Variants in ATXN3 observed in about 807,000 individuals in gnomAD.
ATXN3 encodes the protein ataxin 3.
ATXN3 carries 28 observed loss-of-function variants against 58.2 expected under a neutral mutation model. The observed-to-expected ratio is 0.48, with a 90% CI of 0.36 to 0.66. The LOEUF is 0.66. ATXN3 is among the 30% of genes least tolerant of loss of function. The pLI, the probability that ATXN3 is intolerant of heterozygous loss-of-function variation, is 0.00. For missense variants in ATXN3, 321 were observed against 422.1 expected (o/e 0.76, Z 2.10); for synonymous variants, 113 against 138.5 (o/e 0.82, Z 1.29).
chr14:92,069,368 G>GC (rs1173193999), intron 10 of ATXN3, among the ~76,000 whole-genome samples: 8 of 111,698 alleles, frequency 7.2e-5, no homozygotes, highest in Non-Finnish European at 1.3e-4. Context: ...ACCGTGTCCA[G>GC]CCCTTTTTTT....
intron 2 of ATXN3, chr14:92,096,345 C>A: frequency 3.5e-6 from 5 of 1,431,780 alleles, no homozygotes; most frequent in Non-Finnish European, 4.6e-6. Context: ...GAAATGTAAG[C>A]CGGGTGTGGT....
intron 1 of ATXN3, among the ~76,000 whole-genome samples, chr14:92,103,453 T>C (rs1383931526): frequency 6.6e-6 from 1 of 152,186 alleles, no homozygotes; most frequent in Non-Finnish European, 1.5e-5. Flanking sequence ...TTTTTTCTTT[T>C]GAGACAGGAT....
intron 5 of ATXN3, among the ~76,000 whole-genome samples, chr14:92,091,262 C>T (rs2141003835): frequency 6.6e-6 from 1 of 152,122 alleles, no homozygotes; most frequent in Admixed American, 6.6e-5. Flanking sequence ...ACCAGCCTGA[C>T]CAACATGGCG....
At chr14:92,078,752 A>C (rs2060892210) in intron 9 of ATXN3, among the ~76,000 whole-genome samples, 1 of 152,238 alleles carries the variant, frequency 6.6e-6, no homozygotes, top group South Asian at 2.1e-4. Context: ...ATAGCATTTA[A>C]CTATGTTAAA....
intron 9 of ATXN3, among the ~76,000 whole-genome samples, chr14:92,076,409 C>T (rs999397302): frequency 1.4e-5 from 2 of 145,508 alleles, no homozygotes; most frequent in South Asian, 2.2e-4. Context: ...GATCGCGCCA[C>T]TGCACTCCAG....
intron 9 of ATXN3, among the ~76,000 whole-genome samples, chr14:92,072,327 T>C (rs1471910361): frequency 6.6e-6 from 1 of 152,174 alleles, no homozygotes. Context: ...GGGTGAAGGA[T>C]ATAAGGAGCT....
intron 1 of ATXN3, among the ~76,000 whole-genome samples, chr14:92,104,591 A>G (rs1354990856): frequency 6.6e-6 from 1 of 152,008 alleles, no homozygotes; most frequent in African/African-American, 2.4e-5. Context: ...AAGGCCTTCC[A>G]TGTTGAAATG....
intron 1 of ATXN3, among the ~76,000 whole-genome samples, chr14:92,101,655 C>T (rs564744388): frequency 1.3e-4 from 19 of 151,862 alleles, no homozygotes; most frequent in African/African-American, 3.9e-4. Context: ...ATCAGGAGTT[C>T]GAGACCAGCC....
intron 1 of ATXN3, among the ~76,000 whole-genome samples, chr14:92,104,373 C>T (rs554791387): frequency 6.6e-6 from 1 of 152,212 alleles, no homozygotes; most frequent in South Asian, 2.1e-4. Context: ...AACTACTGAC[C>T]TCATGATCCG....
rs199790369 is a variant in ATXN3 at position 92,082,357 on chromosome 14, T to C, written c.718A>G (p.Ile240Val). 1 of 1,614,160 alleles carries C rather than the reference T, an allele frequency of 6.2e-7. No homozygotes were observed. The highest frequency in any genetic ancestry group is 8.5e-7 in the Non-Finnish European group (1 of 1,180,022). ...QRALALSRQE[I>V]DMEDEEADLR... Reference sequence around the variant, plus strand: ...TCTGCTTCCTCATCTTCCATGTCAATTTCTTGGCGACTTAGTGCCAGAGCC... The same window carrying C: ...TCTGCTTCCTCATCTTCCATGTCAACTTCTTGGCGACTTAGTGCCAGAGCC... Residue 240 changes from isoleucine to valine, a missense_variant, in exon 8 of 11, where the codon ATT becomes GTT. Ile to Val is a conservative substitution (Grantham distance 29, BLOSUM62 3). Coordinates refer to ENST00000644486, the MANE Select transcript of ATXN3 (RefSeq NM_004993.6).
intron 7 of ATXN3, among the ~76,000 whole-genome samples, 166 bp from the exon 8 acceptor site, chr14:92,082,632 G>GC (rs1555401834): frequency 6.9e-6 from 1 of 144,040 alleles, no homozygotes. Context: ...ATCCAACTAA[G>GC]TTTTTTTTTT....
At chr14:92,099,801 C>A (rs192665869) in intron 1 of ATXN3, among the ~76,000 whole-genome samples, 1 of 151,688 alleles carries the variant, frequency 6.6e-6, no homozygotes, top group African/African-American at 2.4e-5. Flanking sequence ...CCAAAAAGGT[C>A]GAGGCTACAG....
chr14:92,080,017 C>T (rs1041652694), intron 9 of ATXN3, among the ~76,000 whole-genome samples: 9 of 151,772 alleles, frequency 5.9e-5, no homozygotes, highest in Admixed American at 2.0e-4. Context: ...GGATTACAGA[C>T]GTAAGCCACC....
Position 92,060,802 on chromosome 14 carries a change from G to A in ATXN3, c.*3518C>T, listed in dbSNP as rs983194353. The A allele has an allele frequency of 2.0e-5, 3 of 147,338 alleles. No homozygotes were observed. The highest frequency in any genetic ancestry group is 4.5e-5 in the Non-Finnish European group (3 of 67,368). The allele number at this position is 147,338 out of a possible 1,614,324, so 9.1% of individuals were successfully genotyped here. ...GTCTGGAGTACAGTGGCACCATCTT[G>A]GCTCACTGCATCCTCTGTCGCCAGG... On this transcript the variant is annotated 3_prime_UTR_variant, in exon 11 of 11. Transcript: ENST00000644486.
At chr14:92,104,017 C>T (rs1313992497) in intron 1 of ATXN3, among the ~76,000 whole-genome samples, 3 of 152,104 alleles carry the variant, frequency 2.0e-5, no homozygotes, top group East Asian at 1.9e-4. Context: ...CTCTTGAGGA[C>T]GCCCAAAAAA....
intron 10 of ATXN3, among the ~76,000 whole-genome samples, chr14:92,070,491 A>G (rs944908967): frequency 6.6e-6 from 1 of 152,190 alleles, no homozygotes; most frequent in African/African-American, 2.4e-5. Flanking sequence ...AGGCAGGAGA[A>G]TGCCATGAAC....
At chr14:92,072,661 A>C (rs79094230) in intron 9 of ATXN3, among the ~76,000 whole-genome samples, 17 of 150,680 alleles carry the variant, frequency 1.1e-4, no homozygotes, top group African/African-American at 3.2e-4. Flanking sequence ...AAAACTTACA[A>C]ACAGCTGACA....
At chr14:92,099,211 C>G (rs1264884628) in intron 1 of ATXN3, among the ~76,000 whole-genome samples, 4 of 152,166 alleles carry the variant, frequency 2.6e-5, no homozygotes. Flanking sequence ...ACAATTTGTC[C>G]TGAGCTATGT....
chr14:92,102,306 C>A lies in ATXN3; in HGVS notation c.24+4223G>T, dbSNP rs865897631. Among the ~76,000 whole-genome samples, 926 of 146,674 alleles carry A rather than the reference C, an allele frequency of 6.3e-3. 6 individuals carry two copies. The highest frequency in any genetic ancestry group is 0.014 in the Middle Eastern group (4 of 276). ...AGGGAGGGAATAAATAAATTAAAAA[C>A]AAAAAAAAAAATAAAAGAAATTCTA... On this transcript the variant is annotated intron_variant, in intron 1 of 10. Transcript: ENST00000644486.
Sources: gnomAD v4.1 joint callset for allele counts (sites outside exome capture counted in the v4.1 genomes callset) on GRCh38, gnomAD v4.1.1 for gene constraint, MANE v1.5 for transcripts, NCBI Gene and HGNC (gene_info 2026-07-23, HGNC 2026-07-21) for gene names.